The following PRKG1 variants were observed in gnomAD, a reference collection of about 807,000 sequenced individuals.
The protein encoded by PRKG1 is cGMP-dependent protein kinase 1.
PRKG1 carries 35 observed loss-of-function variants against 88.1 expected under a neutral mutation model. The observed-to-expected ratio is 0.40, with a 90% CI of 0.30 to 0.53. The LOEUF (loss-of-function observed/expected upper bound fraction) is 0.53. Among genes scored for constraint, PRKG1 ranks in the 20% least tolerant of loss-of-function variants. PRKG1 has a pLI of 0.59. For synonymous variants in PRKG1, 303 were observed against 292.5 expected (o/e 1.04, Z -0.37); for missense variants, 540 against 839.8 (o/e 0.64, Z 4.41).
At chr10:51,459,526 T>C (rs1487350987) in intron 2 of PRKG1, among the ~76,000 whole-genome samples, 1 of 152,200 alleles carries the variant, frequency 6.6e-6, no homozygotes, top group East Asian at 1.9e-4. Context: ...AAAGAAAATT[T>C]TCTCTTTAAA....
chr10:52,292,863 C>T (rs1231117307), intron 17 of PRKG1, among the ~76,000 whole-genome samples: 4 of 151,914 alleles, frequency 2.6e-5, no homozygotes, highest in African/African-American at 9.7e-5. Flanking sequence ...GACAGGGATG[C>T]CCTCTCTCAC....
chr10:52,259,669 T>C (rs1841387828), intron 10 of PRKG1, among the ~76,000 whole-genome samples: 1 of 152,106 alleles, frequency 6.6e-6, no homozygotes, highest in Non-Finnish European at 1.5e-5. Flanking sequence ...TCCAGCCCAC[T>C]GCCTTTCACG....
intron 9 of PRKG1, among the ~76,000 whole-genome samples, chr10:52,218,326 C>T (rs935760861): frequency 1.3e-5 from 2 of 151,528 alleles, no homozygotes; most frequent in African/African-American, 4.8e-5. Context: ...AGGGGCTGCT[C>T]TTTTGCCTGG....
At chr10:51,241,104 G>A (rs376799917) in intron 2 of PRKG1, among the ~76,000 whole-genome samples, 1 of 152,104 alleles carries the variant, frequency 6.6e-6, no homozygotes, top group East Asian at 1.9e-4. Flanking sequence ...TAGGATCCCT[G>A]TTTTGAAGAT....
At chr10:51,883,812 T>A (rs1434518279) in intron 4 of PRKG1, among the ~76,000 whole-genome samples, 2 of 152,214 alleles carry the variant, frequency 1.3e-5, no homozygotes, top group Non-Finnish European at 2.9e-5. Flanking sequence ...TAAGTTTTTG[T>A]GTGTGGCTGC....
At chr10:51,060,368 A>G (rs1488648466) in intron 1 of PRKG1, among the ~76,000 whole-genome samples, 1 of 151,860 alleles carries the variant, frequency 6.6e-6, no homozygotes, top group Non-Finnish European at 1.5e-5. Flanking sequence ...TTTTTGTTCT[A>G]TATTAATTTT....
Position 51,172,454 on chromosome 10 carries a change from G to C in PRKG1, c.478+19124G>C, listed in dbSNP as rs1320688200. On this transcript the variant is annotated intron_variant, in intron 2 of 17. Coordinates refer to ENST00000373980, the MANE Select transcript of PRKG1 (RefSeq NM_006258.4). ...TAAGGCAACTGAGAGTTGACACACA[G>C]AACATATTATGAATCTTTTGGAAAG... Among the ~76,000 whole-genome samples, 3 of 152,154 alleles carry C rather than the reference G, an allele frequency of 2.0e-5. No individual in the cohort carries two copies. In the East Asian group the frequency reaches 5.8e-4, roughly 29 times the overall value.
intron 3 of PRKG1, among the ~76,000 whole-genome samples, chr10:51,635,140 A>G (rs1376105017): frequency 6.6e-6 from 1 of 152,126 alleles, no homozygotes; most frequent in Non-Finnish European, 1.5e-5. Context: ...CATGCAGAAC[A>G]TAATAGCCTG....
chr10:51,758,782 A>G (rs1271358059), intron 3 of PRKG1, among the ~76,000 whole-genome samples: 1 of 151,890 alleles, frequency 6.6e-6, no homozygotes, highest in African/African-American at 2.4e-5. Context: ...GCACCCACCA[A>G]CCTGTCATCT....
chr10:51,623,113 T>C (rs1245763277), intron 3 of PRKG1, among the ~76,000 whole-genome samples: 1 of 152,224 alleles, frequency 6.6e-6, no homozygotes, highest in Non-Finnish European at 1.5e-5. Flanking sequence ...ACAGATCACA[T>C]TGATATCTAT....
chr10:51,400,960 A>T (rs949613486), intron 2 of PRKG1, among the ~76,000 whole-genome samples: 1 of 152,202 alleles, frequency 6.6e-6, no homozygotes, highest in African/African-American at 2.4e-5. Flanking sequence ...ACCGACTACT[A>T]CATACGATTC....
chr10:51,134,648 T>C (rs1417033047), intron 1 of PRKG1, among the ~76,000 whole-genome samples: 1 of 152,190 alleles, frequency 6.6e-6, no homozygotes, highest in East Asian at 1.9e-4. Flanking sequence ...AATGTGAGTC[T>C]GCAGACTTCA....
At chr10:51,374,977 G>A (rs1842788213) in intron 2 of PRKG1, among the ~76,000 whole-genome samples, 1 of 149,822 alleles carries the variant, frequency 6.7e-6, no homozygotes, top group African/African-American at 2.5e-5. Flanking sequence ...GTCAGAAGGA[G>A]AGAGAGAGAG....
intron 1 of PRKG1, among the ~76,000 whole-genome samples, chr10:51,089,322 A>G (rs760796114): frequency 5.3e-5 from 8 of 152,220 alleles, no homozygotes; most frequent in Non-Finnish European, 1.2e-4. Flanking sequence ...ATCTTTTCAA[A>G]TTCTTACTAA....
At chr10:51,439,128 C>G (rs561990756) in intron 2 of PRKG1, among the ~76,000 whole-genome samples, 1 of 151,682 alleles carries the variant, frequency 6.6e-6, no homozygotes, top group South Asian at 2.1e-4. Flanking sequence ...TTTCGCCCCC[C>G]CTTACGAACA....
intron 2 of PRKG1, among the ~76,000 whole-genome samples, chr10:51,443,346 C>G (rs1386264133): frequency 1.3e-5 from 2 of 151,998 alleles, no homozygotes; most frequent in Non-Finnish European, 2.9e-5. Flanking sequence ...GCCTGCAAAA[C>G]TTTAAAATAT....
At chr10:51,614,378 T>C (rs1483113961) in intron 3 of PRKG1, among the ~76,000 whole-genome samples, 1 of 151,966 alleles carries the variant, frequency 6.6e-6, no homozygotes, top group East Asian at 1.9e-4. Context: ...TTTATATGTG[T>C]CTTTACAGGT....
intron 4 of PRKG1, among the ~76,000 whole-genome samples, chr10:51,875,463 G>A (rs1841272650): frequency 6.6e-6 from 1 of 152,008 alleles, no homozygotes; most frequent in African/African-American, 2.4e-5. Flanking sequence ...TTTAGAGACA[G>A]GGTCTCGCTA....
At chr10:51,475,548 T>C (rs1426815614) in intron 3 of PRKG1, among the ~76,000 whole-genome samples, 7 of 152,030 alleles carry the variant, frequency 4.6e-5, no homozygotes, top group Non-Finnish European at 1.0e-4. Context: ...CTATAATAAG[T>C]AGTCAGTGTT....
Sources: gnomAD v4.1 joint callset for allele counts (sites outside exome capture counted in the v4.1 genomes callset) on GRCh38, gnomAD v4.1.1 for gene constraint, MANE v1.5 for transcripts, NCBI Gene and HGNC (gene_info 2026-07-23, HGNC 2026-07-21) for gene names.